Variants in PPM1E observed in about 807,000 individuals in gnomAD.
PPM1E encodes protein phosphatase 1E.
PPM1E carries 20 observed loss-of-function variants against 65.9 expected under a neutral mutation model. The observed-to-expected ratio is 0.30, with a 90% CI of 0.21 to 0.44. The LOEUF (loss-of-function observed/expected upper bound fraction) is 0.44. Ranked by LOEUF, PPM1E falls within the 20% of genes least tolerant of loss-of-function variation. PPM1E has a pLI of 1.00. For missense variants in PPM1E, 713 were observed against 953.1 expected (o/e 0.75, Z 3.32); for synonymous variants, 352 against 374.9 (o/e 0.94, Z 0.70).
chr17:58,853,615 G>A (rs2050851552), intron 1 of PPM1E, among the ~76,000 whole-genome samples: 1 of 152,116 alleles, frequency 6.6e-6, no homozygotes, highest in Non-Finnish European at 1.5e-5. Context: ...ATCACCTGAG[G>A]TCAGAGGTTT....
At chr17:58,848,868 C>T (rs1162943619) in intron 1 of PPM1E, among the ~76,000 whole-genome samples, 1 of 152,178 alleles carries the variant, frequency 6.6e-6, no homozygotes, top group Non-Finnish European at 1.5e-5. Flanking sequence ...CTCTTTGTAG[C>T]TCTGGTAGAA....
At chr17:58,921,016 C>G (rs536537768) in intron 1 of PPM1E, among the ~76,000 whole-genome samples, 3 of 152,250 alleles carry the variant, frequency 2.0e-5, no homozygotes, top group African/African-American at 7.2e-5. Flanking sequence ...GAAAAATGAT[C>G]ATTTCTGTCA....
chr17:58,825,257 CACACACAA>C (rs1408741893), intron 1 of PPM1E, among the ~76,000 whole-genome samples: 16 of 149,522 alleles, frequency 1.1e-4, no homozygotes, highest in East Asian at 5.9e-4. Flanking sequence ...CACACACACA[CACACACAA>C]AAATAAATAG....
intron 1 of PPM1E, among the ~76,000 whole-genome samples, chr17:58,819,246 A>G (rs966331580): frequency 2.0e-5 from 3 of 152,050 alleles, no homozygotes; most frequent in Admixed American, 2.0e-4. Flanking sequence ...CCCATGTTCA[A>G]GTGATTCTCC....
At chr17:58,779,333 A>C (rs2050029815) in intron 1 of PPM1E, among the ~76,000 whole-genome samples, 1 of 151,656 alleles carries the variant, frequency 6.6e-6, no homozygotes, top group Non-Finnish European at 1.5e-5. Context: ...CACCACACCC[A>C]GCTAGTTTTT....
chr17:58,843,962 G>T (rs2050746804), intron 1 of PPM1E, among the ~76,000 whole-genome samples: 1 of 152,186 alleles, frequency 6.6e-6, no homozygotes, highest in African/African-American at 2.4e-5. Flanking sequence ...AAAGGAGGGT[G>T]CAGAGTATGC....
At chr17:58,975,607 CAG>C (rs1169163183) in intron 6 of PPM1E, among the ~76,000 whole-genome samples, 2 of 152,078 alleles carry the variant, frequency 1.3e-5, no homozygotes, top group Admixed American at 1.3e-4. Flanking sequence ...TATAAATACA[CAG>C]GGGTTTGAAA....
intron 1 of PPM1E, among the ~76,000 whole-genome samples, chr17:58,895,917 AAC>A (rs1165741853): frequency 6.6e-6 from 1 of 150,730 alleles, no homozygotes. Flanking sequence ...CATCCTAGCT[AAC>A]ACGGTTAAAC....
intron 1 of PPM1E, among the ~76,000 whole-genome samples, chr17:58,917,868 A>G (rs1041122465): frequency 1.3e-5 from 2 of 152,158 alleles, no homozygotes; most frequent in Non-Finnish European, 2.9e-5. Context: ...TTAGTTCCCT[A>G]TGGAGTAGCA....
chr17:58,933,627 C>T (rs181092816), intron 1 of PPM1E, among the ~76,000 whole-genome samples: 5 of 151,968 alleles, frequency 3.3e-5, no homozygotes, highest in South Asian at 2.1e-4. Context: ...GAAACTCCAT[C>T]TCTACTAACA....
intron 1 of PPM1E, among the ~76,000 whole-genome samples, chr17:58,814,547 A>G (rs2050397786): frequency 2.0e-5 from 3 of 152,160 alleles, no homozygotes; most frequent in African/African-American, 4.8e-5. Flanking sequence ...ACTGAATCTC[A>G]GTTTTCTCAT....
At chr17:58,906,637 C>A (rs2051561388) in intron 1 of PPM1E, among the ~76,000 whole-genome samples, 1 of 152,102 alleles carries the variant, frequency 6.6e-6, no homozygotes, top group Non-Finnish European at 1.5e-5. Context: ...TGTGCCCAAC[C>A]CATTTCCCTT....
chr17:58,796,815 G>C (rs1174117046), intron 1 of PPM1E, among the ~76,000 whole-genome samples: 1 of 151,880 alleles, frequency 6.6e-6, no homozygotes, highest in East Asian at 1.9e-4. Context: ...GCATTTTAAA[G>C]TAAGCTGTGG....
chr17:58,846,815 T>C (rs556791105), intron 1 of PPM1E, among the ~76,000 whole-genome samples: 1 of 152,326 alleles, frequency 6.6e-6, no homozygotes, highest in Non-Finnish European at 1.5e-5. Flanking sequence ...CAGATGGTAT[T>C]TCTAGTTCTA....
At chr17:58,916,815 A>G (rs949065097) in intron 1 of PPM1E, among the ~76,000 whole-genome samples, 29 of 152,334 alleles carry the variant, frequency 1.9e-4, no homozygotes, top group African/African-American at 7.0e-4. Flanking sequence ...CTGAGATAGT[A>G]TATGGGAAAA....
intron 1 of PPM1E, among the ~76,000 whole-genome samples, chr17:58,805,422 G>C (rs758853643): frequency 1.3e-4 from 19 of 151,914 alleles, no homozygotes; most frequent in Non-Finnish European, 2.1e-4. Flanking sequence ...GGCTAATTTC[G>C]TATTTTTAGT....
intron 1 of PPM1E, among the ~76,000 whole-genome samples, chr17:58,762,913 A>G (rs995749053): frequency 6.6e-6 from 1 of 152,054 alleles, no homozygotes; most frequent in Non-Finnish European, 1.5e-5. Flanking sequence ...AAAAAAAAAA[A>G]AAAATTTGTT....
chr17:58,842,030 C>T (rs567802903), intron 1 of PPM1E, among the ~76,000 whole-genome samples: 8 of 152,108 alleles, frequency 5.3e-5, no homozygotes, highest in South Asian at 4.2e-4. Context: ...TTAATAGAAA[C>T]GGGGTTTCCC....
chr17:58,810,116 G>C (rs559299711), intron 1 of PPM1E, among the ~76,000 whole-genome samples: 1 of 152,258 alleles, frequency 6.6e-6, no homozygotes, highest in Non-Finnish European at 1.5e-5. Flanking sequence ...CATTTCAGGT[G>C]CTTAGTAGCT....
Sources: gnomAD v4.1 joint callset for allele counts (sites outside exome capture counted in the v4.1 genomes callset) on GRCh38, gnomAD v4.1.1 for gene constraint, MANE v1.5 for transcripts, NCBI Gene and HGNC (gene_info 2026-07-23, HGNC 2026-07-21) for gene names.